Variants in LUZP2 observed in about 807,000 individuals in gnomAD.
LUZP2 encodes the protein leucine zipper protein 2.
In LUZP2, 52 loss-of-function variants were observed where a neutral mutation model predicts 51.6. The ratio of observed to expected loss-of-function variants is 1.01; its 90% CI spans 0.81 to 1.27. LUZP2 has a LOEUF of 1.27. Among genes scored for constraint, LUZP2 ranks in the 50% most tolerant of loss-of-function variants. The pLI is 0.00. For synonymous variants in LUZP2, 154 were observed against 137.3 expected (o/e 1.12, Z -0.85); for missense variants, 436 against 395.4 (o/e 1.10, Z -0.87).
In LUZP2 at chr11:24,959,305, G is replaced by A. The variant is rs1855318482; in HGVS notation, c.523-17286G>A. On this transcript the variant is annotated intron_variant, in intron 7 of 11. Coordinates refer to ENST00000336930, the MANE Select transcript of LUZP2 (RefSeq NM_001009909.4). ...AATTCTGTGAAGAAAGTCATTGGTA[G>A]CTTGATGGGGATGGCATTGAATCTA... Among the ~76,000 whole-genome samples, 2 of 152,100 alleles carry A rather than the reference G, an allele frequency of 1.3e-5. 1 individual carries two copies. Among genetic ancestry groups the A allele is most frequent in the Admixed American group, 1.3e-4 (2 of 15,260 alleles).
chr11:24,502,951 G>T (rs1248965800), intron 1 of LUZP2, among the ~76,000 whole-genome samples: 1 of 152,088 alleles, frequency 6.6e-6, no homozygotes, highest in Non-Finnish European at 1.5e-5. Context: ...CTTCTTCATT[G>T]ATTTCATCAT....
chr11:25,000,477 C>T (rs753207383), intron 9 of LUZP2, among the ~76,000 whole-genome samples: 2 of 152,162 alleles, frequency 1.3e-5, no homozygotes, highest in Non-Finnish European at 2.9e-5. Flanking sequence ...GTTAGTTGAG[C>T]TCATTTGGGG....
At chr11:24,534,557 TAGAG>T (rs1487593465) in intron 1 of LUZP2, among the ~76,000 whole-genome samples, 18 of 151,108 alleles carry the variant, frequency 1.2e-4, no homozygotes, top group African/African-American at 3.6e-4. Flanking sequence ...TATTTATATA[TAGAG>T]AGAGTAAACA....
At chr11:24,555,347 A>T (rs1851835442) in intron 1 of LUZP2, among the ~76,000 whole-genome samples, 1 of 152,176 alleles carries the variant, frequency 6.6e-6, no homozygotes. Context: ...ATCATGGAGT[A>T]AATCCTCAAT....
chr11:24,998,108 G>T (rs899984591), intron 9 of LUZP2, among the ~76,000 whole-genome samples: 13 of 151,980 alleles, frequency 8.6e-5, no homozygotes, highest in Non-Finnish European at 1.3e-4. Context: ...TGCGGGCTCT[G>T]TTTCGGTTCC....
At chr11:24,832,371 G>A (rs1448673223) in intron 5 of LUZP2, among the ~76,000 whole-genome samples, 5 of 151,620 alleles carry the variant, frequency 3.3e-5, no homozygotes, top group Non-Finnish European at 7.4e-5. Context: ...CGCTTACAGG[G>A]GACTGATATG....
intron 7 of LUZP2, among the ~76,000 whole-genome samples, chr11:24,930,301 A>G (rs545347422): frequency 1.7e-4 from 26 of 151,796 alleles, no homozygotes; most frequent in Non-Finnish European, 2.5e-4. Flanking sequence ...GTTTTTTTTC[A>G]TTGTGTTATT....
chr11:24,513,404 A>G (rs1850370992), intron 1 of LUZP2, among the ~76,000 whole-genome samples: 1 of 145,486 alleles, frequency 6.9e-6, no homozygotes. Context: ...TCATTTTTAC[A>G]ATCAGCATCA....
chr11:24,535,656 C>T (rs981267159), intron 1 of LUZP2, among the ~76,000 whole-genome samples: 4 of 151,422 alleles, frequency 2.6e-5, no homozygotes, highest in African/African-American at 9.7e-5. Context: ...CAATCTCCAC[C>T]ACCTCAGACA....
intron 5 of LUZP2, among the ~76,000 whole-genome samples, chr11:24,785,446 TG>T (rs1849217053): frequency 6.6e-6 from 1 of 152,024 alleles, no homozygotes; most frequent in Non-Finnish European, 1.5e-5. Flanking sequence ...GCATGGACCT[TG>T]CTTGGAAATG....
intron 5 of LUZP2, among the ~76,000 whole-genome samples, chr11:24,874,856 GA>G (rs549043705): frequency 2.2e-3 from 338 of 152,236 alleles, no homozygotes; most frequent in African/African-American, 8.0e-3. Context: ...ATTGGGATGA[GA>G]AAAGAGTGAT....
intron 5 of LUZP2, among the ~76,000 whole-genome samples, chr11:24,802,236 T>G (rs979948041): frequency 3.3e-5 from 5 of 152,084 alleles, no homozygotes; most frequent in African/African-American, 1.2e-4. Context: ...AGCCATATGG[T>G]TAGCTATGAT....
rs1215786412 is a variant in LUZP2, at chr11:24,826,190, A to AAAAATATATATATATATATAT, written c.396+62883_396+62884insAAATATATATATATATATATA. ...GACTCCATCTCAAAAAAAAAAAAAA[A>AAAAATATATATATATATATAT]ATATATATATATATATATAGTAAAA... On this transcript the variant is annotated intron_variant, in intron 5 of 11. Transcript: ENST00000336930. Among the ~76,000 whole-genome samples, 53 of 67,524 alleles carry AAAAATATATATATATATATAT rather than the reference A, an allele frequency of 7.8e-4. 1 individual carries two copies. The highest frequency in any genetic ancestry group is 2.8e-3 in the African/African-American group (48 of 16,968). The allele number at this position is 67,524 out of a possible 152,430, so 44.3% of individuals were successfully genotyped here.
At chr11:24,602,234 G>GTATATATA (rs1565020903) in intron 1 of LUZP2, among the ~76,000 whole-genome samples, 5 of 14,906 alleles carry the variant, frequency 3.4e-4, no homozygotes, top group Non-Finnish European at 2.8e-3. Flanking sequence ...GTACATATAT[G>GTATATATA]TGTATATATG....
At chr11:24,794,774 G>A (rs1849504861) in intron 5 of LUZP2, among the ~76,000 whole-genome samples, 1 of 152,006 alleles carries the variant, frequency 6.6e-6, no homozygotes, top group African/African-American at 2.4e-5. Flanking sequence ...AGACTGAAAT[G>A]AAGTGTGGTA....
At chr11:24,724,329 G>T (rs917623966) in intron 1 of LUZP2, among the ~76,000 whole-genome samples, 3 of 152,088 alleles carry the variant, frequency 2.0e-5, no homozygotes, top group African/African-American at 7.2e-5. Flanking sequence ...CAGCATTTTG[G>T]GAGGCTGAGG....
At chr11:24,567,390 A>G (rs1852281765) in intron 1 of LUZP2, among the ~76,000 whole-genome samples, 1 of 152,128 alleles carries the variant, frequency 6.6e-6, no homozygotes, top group African/African-American at 2.4e-5. Flanking sequence ...GAAAGTGCCA[A>G]AAAGTAAAAT....
chr11:24,994,274 T>A (rs183969897), intron 9 of LUZP2, among the ~76,000 whole-genome samples: 51 of 152,090 alleles, frequency 3.4e-4, no homozygotes, highest in South Asian at 2.5e-3. Flanking sequence ...TTTTAACTCT[T>A]ACATCTAGGC....
chr11:24,736,943 G>T (rs1164520508), intron 3 of LUZP2, among the ~76,000 whole-genome samples: 1 of 151,972 alleles, frequency 6.6e-6, no homozygotes, highest in Non-Finnish European at 1.5e-5. Flanking sequence ...GTCAACCAAA[G>T]TCCAAAATGA....
Sources: gnomAD v4.1 joint callset for allele counts (sites outside exome capture counted in the v4.1 genomes callset) on GRCh38, gnomAD v4.1.1 for gene constraint, MANE v1.5 for transcripts, NCBI Gene and HGNC (gene_info 2026-07-23, HGNC 2026-07-21) for gene names.